Variants in MCM2 observed in about 807,000 individuals in gnomAD.
The protein encoded by MCM2 is DNA replication licensing factor MCM2.
Under a neutral mutation model 86.4 loss-of-function variants are expected in MCM2, and 49 were observed. The observed-to-expected ratio is 0.57, with a 90% CI of 0.45 to 0.72. The LOEUF is 0.72. Among genes scored for constraint, MCM2 ranks in the 30% least tolerant of loss-of-function variants. The pLI is 0.00. For synonymous variants in MCM2, 475 were observed against 484.6 expected (o/e 0.98, Z 0.26); for missense variants, 1,038 against 1,259.9 (o/e 0.82, Z 2.67).
intron 2 of MCM2, 55 bp from the exon 3 acceptor site, chr3:127,604,553 G>A (rs1329394031): frequency 6.4e-7 from 1 of 1,574,314 alleles, no homozygotes; most frequent in African/African-American, 1.4e-5. Context: ...ATGGGGTTTG[G>A]TGCTTAGGGT....
In MCM2 at chr3:127,604,280, C is replaced by T. The variant is rs186308301; in HGVS notation, c.237-328C>T. 6.5e-5 allele frequency: 16 copies of T among 246,904 alleles called. 1 individual carries two copies. The highest frequency in any genetic ancestry group is 5.1e-4 in the South Asian group (4 of 7,784). 15.3% of individuals were successfully genotyped at this position (246,904 alleles called of 1,614,324 possible). ...TACTTTCTGTTTCTGTGAATTTGACCGCTCAGTGAGTGGAACCATATAGGA... is the reference window on the plus strand; with the variant it reads ...TACTTTCTGTTTCTGTGAATTTGACTGCTCAGTGAGTGGAACCATATAGGA... On this transcript the variant is annotated intron_variant, in intron 2 of 15. Transcript: ENST00000265056.
chr3:127,615,961 C>T lies in MCM2; in HGVS notation c.1522+6C>T. On this transcript the variant is annotated splice_donor_region_variant and intron_variant, in intron 9 of 15. Coordinates refer to ENST00000265056, the MANE Select transcript of MCM2 (RefSeq NM_004526.4). ...AGGGGAGCCCAAAAACCCAGGTGAGCACCCACCTTTCCTCTGCAGGGGTGT... is the reference window on the plus strand; with the variant it reads ...AGGGGAGCCCAAAAACCCAGGTGAGTACCCACCTTTCCTCTGCAGGGGTGT... 6.2e-7 allele frequency: 1 copy of T among 1,610,454 alleles called. No homozygotes were observed.
At chr3:127,611,365 C>T (rs1009846488) in intron 8 of MCM2, among the ~76,000 whole-genome samples, 1 of 152,242 alleles carries the variant, frequency 6.6e-6, no homozygotes, top group African/African-American at 2.4e-5. Flanking sequence ...CCTTCTCTTC[C>T]TTTGCCTTGA....
intron 13 of MCM2, among the ~76,000 whole-genome samples, chr3:127,620,267 C>T (rs2074466377): frequency 1.3e-5 from 2 of 152,234 alleles, no homozygotes; most frequent in Non-Finnish European, 2.9e-5. Context: ...AACACAGCAG[C>T]TTTTCAAATT....
chr3:127,609,743 A>G (rs908099633), intron 8 of MCM2, among the ~76,000 whole-genome samples: 1 of 149,594 alleles, frequency 6.7e-6, no homozygotes, highest in Non-Finnish European at 1.5e-5. Context: ...TTTCTCCCAC[A>G]TTACCTCCAT....
At chr3:127,598,553 C>T (rs1181051220) in intron 1 of MCM2, 81 bp downstream of exon 1, 2 of 1,547,704 alleles carry the variant, frequency 1.3e-6, no homozygotes, top group African/African-American at 1.4e-5. Flanking sequence ...TGGCCCCGGC[C>T]CAGGGCGGCG....
chr3:127,621,106 A>C lies in MCM2; in HGVS notation c.2482A>C (p.Asn828His). Residue 828 changes from asparagine (N) to histidine (H), a missense_variant, in exon 15 of 16, where the codon AAC becomes CAC. By Grantham distance (68) the Asn-to-His change is moderately conservative. Coordinates refer to ENST00000265056, the MANE Select transcript of MCM2 (RefSeq NM_004526.4). ...FARYLSFRRD[N>H]NELLLFILKQ... ...CCGCTACCTTTCATTCCGGCGTGAC[A>C]ACAATGAGCTGTTGCTCTTCATACT... 6.2e-7 allele frequency: 1 copy of C among 1,614,224 alleles called. No individual in the cohort carries two copies. Among genetic ancestry groups the C allele is most frequent in the Non-Finnish European group, 8.5e-7 (1 of 1,180,038 alleles).
At chr3:127,614,384 G>GT (rs1486385668) in intron 8 of MCM2, among the ~76,000 whole-genome samples, 6 of 152,060 alleles carry the variant, frequency 3.9e-5, no homozygotes, top group Non-Finnish European at 8.8e-5. Flanking sequence ...CCTTCCCCCT[G>GT]TTTTTTACAG....
chr3:127,615,215 A>G (rs1169614832), intron 8 of MCM2, among the ~76,000 whole-genome samples: 1 of 152,194 alleles, frequency 6.6e-6, no homozygotes, highest in Non-Finnish European at 1.5e-5. Flanking sequence ...CTATCAAAAC[A>G]TGGCTCTGCT....
chr3:127,605,239 A>G, intron 4 of MCM2, 83 bp downstream of exon 4: 1 of 1,538,342 alleles, frequency 6.5e-7, no homozygotes, highest in South Asian at 1.2e-5. Context: ...CCGAGTGAAC[A>G]CGTGAAGCAC....
In MCM2 at chr3:127,606,007, G is replaced by A; in HGVS notation, c.674-111G>A. 1.3e-6 allele frequency: 1 copy of A among 779,984 alleles called. No homozygotes were observed. The highest frequency in any genetic ancestry group is 2.2e-6 in the Non-Finnish European group (1 of 462,744). The allele number at this position is 779,984 out of a possible 1,614,324, so 48.3% of individuals were successfully genotyped here. A position where few individuals can be genotyped will look rare whatever the true frequency, so the allele number is the denominator to read the frequency against. On this transcript the variant is annotated intron_variant, in intron 4 of 15. Transcript: ENST00000265056. This position sits in a 1 kb window ranked among gnomAD's most constrained non-coding sequence, Gnocchi z 4.2. Reference sequence around the variant, plus strand: ...TAGAAGTGAAAGCTGGGCTTTCTAGGTCAAAATCAATGGTCGGGGTGGGTA... The same window carrying A: ...TAGAAGTGAAAGCTGGGCTTTCTAGATCAAAATCAATGGTCGGGGTGGGTA...
chr3:127,600,500 C>T (rs962530756), intron 2 of MCM2, among the ~76,000 whole-genome samples: 1 of 152,126 alleles, frequency 6.6e-6, no homozygotes, highest in African/African-American at 2.4e-5. Flanking sequence ...GAGTACTGTG[C>T]AGGGCATCCT....
At chr3:127,604,013 T>G (rs1156690418) in intron 2 of MCM2, among the ~76,000 whole-genome samples, 1 of 152,188 alleles carries the variant, frequency 6.6e-6, no homozygotes, top group African/African-American at 2.4e-5. Flanking sequence ...GTTCTTGAAC[T>G]CCTGGGCTCA....
chr3:127,605,261 C>G, intron 4 of MCM2, 105 bp downstream of exon 4: 1 of 1,431,494 alleles, frequency 7.0e-7, no homozygotes. Context: ...GGGCATATGG[C>G]TGAGAGGTCT....
chr3:127,598,956 G>A (rs549753253), intron 1 of MCM2: 6 of 384,690 alleles, frequency 1.6e-5, no homozygotes, highest in Admixed American at 4.4e-5. Flanking sequence ...AATACCTTGC[G>A]CACTGTGTGT....
chr3:127,599,303 C>T lies in MCM2; in HGVS notation c.7-15C>T, dbSNP rs561589789. ...CAGCTTCCTAGGTTTCTGACAACCG[C>T]ACCTTCTCTTGCAGGAATCATCGGA... On this transcript the variant is annotated splice_polypyrimidine_tract_variant and intron_variant, in intron 1 of 15. Transcript: ENST00000265056. 2.5e-6 allele frequency: 4 copies of T among 1,612,146 alleles called. No individual in the cohort carries two copies. The South Asian group carries it at 3.3e-5, about 13-fold the overall frequency.
chr3:127,617,505 G>T lies in MCM2; in HGVS notation c.1900+100G>T. On this transcript the variant is annotated intron_variant, in intron 11 of 15. Coordinates refer to ENST00000265056, the MANE Select transcript of MCM2 (RefSeq NM_004526.4). This position sits in a 1 kb window ranked among gnomAD's most constrained non-coding sequence, Gnocchi z 4.1. ...CGGGGTCCCCAGGAGCCGATCTGAG[G>T]AAGTCATTGTGCAGCAGAGGGTTCC... is the stretch of plus-strand genomic sequence containing the variant. 2 of 1,422,348 alleles carry T rather than the reference G, an allele frequency of 1.4e-6. No individual in the cohort carries two copies. The highest frequency in any genetic ancestry group is 1.9e-6 in the Non-Finnish European group (2 of 1,067,020). 88.1% of individuals were successfully genotyped at this position (1,422,348 alleles called of 1,614,324 possible). A position where few individuals can be genotyped will look rare whatever the true frequency, so the allele number is the denominator to read the frequency against.
chr3:127,612,405 A>T (rs17538607), intron 8 of MCM2, among the ~76,000 whole-genome samples: 2 of 152,234 alleles, frequency 1.3e-5, no homozygotes, highest in African/African-American at 4.8e-5. Context: ...ACCCTTATCT[A>T]TAGAAATGAG....
At chr3:127,603,320 T>TTTTG (rs968445399) in intron 2 of MCM2, among the ~76,000 whole-genome samples, 10 of 151,412 alleles carry the variant, frequency 6.6e-5, no homozygotes, top group East Asian at 3.9e-4. Context: ...TCTTAACCTT[T>TTTTG]TTTGTTTGTT....
Sources: allele counts gnomAD v4.1 joint callset (sites outside exome capture counted in the v4.1 genomes callset), GRCh38; gene constraint gnomAD v4.1.1; non-coding constraint Gnocchi (gnomAD v3.1); transcripts MANE v1.5; gene names NCBI Gene and HGNC (gene_info 2026-07-23, HGNC 2026-07-21).